CDH7: variants seen among roughly 807,000 people sequenced by gnomAD.
CDH7 encodes the protein cadherin 7, also known as cadherin-7.
A neutral mutation model predicts 71.8 loss-of-function variants in CDH7; 25 were observed. The observed-to-expected ratio is 0.35, with a 90% CI of 0.25 to 0.49. CDH7 has a LOEUF of 0.49. Ranked by LOEUF, CDH7 falls within the 20% of genes least tolerant of loss-of-function variation. The probability of loss-of-function intolerance (pLI) is 0.99; values close to 1 mark genes in which losing one functional copy is unlikely to be tolerated. For missense variants in CDH7, 862 were observed against 974.6 expected, an observed-to-expected ratio of 0.88 and a Z score of 1.54; for synonymous variants, 381 against 363.8, an observed-to-expected ratio of 1.05 and a Z score of -0.54.
chr18:65,872,203 A>G (rs1913947890), intron 11 of CDH7, among the ~76,000 whole-genome samples: 1 of 152,158 alleles, frequency 6.6e-6, no homozygotes, highest in South Asian at 2.1e-4. Context: ...TAGGACACAC[A>G]TGCCATGTAA....
chr18:65,776,362 AC>A (rs1909940395), intron 2 of CDH7, among the ~76,000 whole-genome samples: 1 of 33,914 alleles, frequency 2.9e-5, no homozygotes, highest in South Asian at 1.2e-3. Context: ...AAAGTACAGA[AC>A]ACACACACAC....
At chr18:65,860,200 C>T (rs1913513627) in intron 10 of CDH7, among the ~76,000 whole-genome samples, 1 of 152,204 alleles carries the variant, frequency 6.6e-6, no homozygotes, top group African/African-American at 2.4e-5. Context: ...AAGAACTGGA[C>T]ATTACACATT....
At chr18:65,863,945 A>C (rs1347753400) in intron 11 of CDH7, 2 of 152,214 alleles carry the variant, frequency 1.3e-5, no homozygotes, top group African/African-American at 4.8e-5. Context: ...CATTCAATAT[A>C]CCGTTCCATA....
intron 2 of CDH7, among the ~76,000 whole-genome samples, chr18:65,778,476 A>G (rs934602785): frequency 1.2e-4 from 18 of 146,164 alleles, no homozygotes; most frequent in African/African-American, 3.0e-4. Flanking sequence ...TCAGCACTTA[A>G]AGGACTCTGA....
At chr18:65,796,275 A>T (rs1414809674) in intron 2 of CDH7, among the ~76,000 whole-genome samples, 1 of 152,152 alleles carries the variant, frequency 6.6e-6, no homozygotes, top group Admixed American at 6.5e-5. Flanking sequence ...CCTTTTTTCC[A>T]CAAGCCATTA....
chr18:65,773,386 T>C (rs1916603122), intron 2 of CDH7, among the ~76,000 whole-genome samples: 1 of 151,970 alleles, frequency 6.6e-6, no homozygotes. Flanking sequence ...AATATTAGAG[T>C]GTCTTGGGCT....
chr18:65,781,942 CTCTT>C (rs1410878235), intron 2 of CDH7, among the ~76,000 whole-genome samples: 2 of 96,126 alleles, frequency 2.1e-5, no homozygotes, highest in Non-Finnish European at 3.7e-5. Context: ...CTCTCTCTCT[CTCTT>C]TCTCTCTTTC....
At chr18:65,877,361 T>A (rs1914101650) in intron 11 of CDH7, among the ~76,000 whole-genome samples, 1 of 152,022 alleles carries the variant, frequency 6.6e-6, no homozygotes, top group Non-Finnish European at 1.5e-5. Context: ...TAGCATGAAA[T>A]ACATTTACAA....
intron 2 of CDH7, among the ~76,000 whole-genome samples, chr18:65,805,539 G>A (rs1340544423): frequency 1.3e-5 from 2 of 152,208 alleles, no homozygotes; most frequent in Non-Finnish European, 2.9e-5. Context: ...TCAAGAGTCA[G>A]CCAAGTAAAT....
chr18:65,874,628 A>G (rs1914020659), intron 11 of CDH7, among the ~76,000 whole-genome samples: 1 of 152,100 alleles, frequency 6.6e-6, no homozygotes, highest in South Asian at 2.1e-4. Flanking sequence ...TGCAAGATAA[A>G]CGCATGTAAA....
rs533390392 is a variant in CDH7, at chr18:65,881,067, G to A, written c.*173G>A. On this transcript the variant is annotated 3_prime_UTR_variant, in exon 12 of 12. Transcript: ENST00000397968. ...TTGTTTAGATTTCTGCCTTGGTGAG[G>A]CATATCTTCATTAGACTTATCTAAA... 4.6e-6 allele frequency: 3 copies of A among 648,564 alleles called. No individual in the cohort carries two copies. Among genetic ancestry groups the A allele is most frequent in the Non-Finnish European group, 5.0e-6 (2 of 401,702 alleles). The allele number at this position is 648,564 out of a possible 1,614,324, so 40.2% of individuals were successfully genotyped here. A position where few individuals can be genotyped will look rare whatever the true frequency, so the allele number is the denominator to read the frequency against.
rs1914441445 is a variant in CDH7 at position 65,888,921 on chromosome 18, T to C, written c.*8027T>C. ...AGCTGAAACTCTAATAATTGGACTT[T>C]CCAATCTTAATTATGCTTTAGTTCC... On this transcript the variant is annotated 3_prime_UTR_variant, in exon 12 of 12. Transcript: ENST00000397968. The C allele has an allele frequency of 6.6e-6, 1 of 152,210 alleles. No homozygotes were observed. The allele number at this position is 152,210 out of a possible 1,614,324, so 9.4% of individuals were successfully genotyped here.
At chr18:65,833,963 G>A (rs1339637931) in intron 6 of CDH7, among the ~76,000 whole-genome samples, 1 of 152,084 alleles carries the variant, frequency 6.6e-6, no homozygotes, top group African/African-American at 2.4e-5. Context: ...TATCAAAGAT[G>A]TTTTCCAGTG....
At chr18:65,752,159 A>G (rs1243563667) in intron 1 of CDH7, among the ~76,000 whole-genome samples, 3 of 152,252 alleles carry the variant, frequency 2.0e-5, no homozygotes, top group African/African-American at 4.8e-5. Flanking sequence ...TGTCCTCATA[A>G]TTTCTGTAGC....
chr18:65,794,704 T>A (rs1272283019), intron 2 of CDH7, among the ~76,000 whole-genome samples: 1 of 152,074 alleles, frequency 6.6e-6, no homozygotes, highest in Non-Finnish European at 1.5e-5. Context: ...CTAAGTCATC[T>A]CTTCCGAGAG....
intron 10 of CDH7, among the ~76,000 whole-genome samples, chr18:65,862,081 A>G (rs1913584559): frequency 6.6e-6 from 1 of 152,170 alleles, no homozygotes; most frequent in South Asian, 2.1e-4. Context: ...AGCCTGTTTT[A>G]TCACTGACAA....
intron 2 of CDH7, among the ~76,000 whole-genome samples, chr18:65,771,810 CGAA>C (rs1916551824): frequency 1.3e-5 from 2 of 151,828 alleles, no homozygotes; most frequent in Admixed American, 1.3e-4. Context: ...GCCATGCAAA[CGAA>C]AAAAAAGAGA....
chr18:65,808,051 C>CTT (rs2143901521), intron 2 of CDH7, among the ~76,000 whole-genome samples: 2 of 152,282 alleles, frequency 1.3e-5, no homozygotes, highest in East Asian at 3.9e-4. Context: ...GGCCAGGCCA[C>CTT]TTCAGGCAAA....
chr18:65,754,611 G>A (rs1268875723), intron 1 of CDH7, among the ~76,000 whole-genome samples: 2 of 152,272 alleles, frequency 1.3e-5, no homozygotes, highest in East Asian at 1.9e-4. Context: ...ACTGAAGATA[G>A]CAACATTAAG....
Sources: gnomAD v4.1 joint callset for allele counts (sites outside exome capture counted in the v4.1 genomes callset) on GRCh38, gnomAD v4.1.1 for gene constraint, MANE v1.5 for transcripts, NCBI Gene and HGNC (gene_info 2026-07-23, HGNC 2026-07-21) for gene names.